The following CDH23 variants were observed in gnomAD, a reference collection of about 807,000 sequenced individuals.
CDH23 encodes cadherin-23.
Under a neutral mutation model 317.1 loss-of-function variants are expected in CDH23, and 189 were observed. The observed-to-expected ratio is 0.60, with a 90% CI of 0.53 to 0.67. The LOEUF (loss-of-function observed/expected upper bound fraction) is 0.67, where lower values mean the gene tolerates loss of function less well. CDH23 is among the 30% of genes least tolerant of loss of function. The pLI is 0.00. For synonymous variants in CDH23, 1,839 were observed against 1,876.8 expected, an observed-to-expected ratio of 0.98 and a Z score of 0.52; for missense variants, 4,401 against 4,592.4, an observed-to-expected ratio of 0.96 and a Z score of 1.20.
chr10:71,683,571 G>C (rs902828787), intron 18 of CDH23, among the ~76,000 whole-genome samples: 3 of 152,236 alleles, frequency 2.0e-5, no homozygotes, highest in Non-Finnish European at 1.5e-5. Flanking sequence ...ATAGGATGCA[G>C]CTGGAAGTGA....
intron 4 of CDH23, 85 bp from the exon 5 acceptor site, chr10:71,510,869 A>G (rs1589149801): frequency 7.5e-7 from 1 of 1,327,208 alleles, no homozygotes; most frequent in East Asian, 2.3e-5. Flanking sequence ...GCAATCCTGG[A>G]GCCCCTCCCG....
At chr10:71,516,151 C>G (rs1477614474) in intron 6 of CDH23, among the ~76,000 whole-genome samples, 2 of 152,226 alleles carry the variant, frequency 1.3e-5, no homozygotes, top group Non-Finnish European at 2.9e-5. Context: ...GTGTCCTTTG[C>G]AGGTCCCCAC....
At chr10:71,795,426 G>A (rs1042526634) in intron 48 of CDH23, 1 of 152,302 alleles carries the variant, frequency 6.6e-6, no homozygotes, top group South Asian at 2.1e-4. Flanking sequence ...ATGGAGAGCT[G>A]CTCCACGTCC....
chr10:71,498,079 C>T (rs1853073586), intron 3 of CDH23, among the ~76,000 whole-genome samples: 1 of 152,194 alleles, frequency 6.6e-6, no homozygotes, highest in South Asian at 2.1e-4. Flanking sequence ...CCTCGTGGAC[C>T]TCTGCACTTT....
intron 3 of CDH23, among the ~76,000 whole-genome samples, chr10:71,491,068 C>T (rs1564613207): frequency 6.6e-6 from 1 of 152,188 alleles, no homozygotes; most frequent in Non-Finnish European, 1.5e-5. Context: ...CCCCCACCAA[C>T]CTGGGTGCCA....
Position 71,751,758 on chromosome 10 carries a change from G to C in CDH23, c.4845+9837G>C, listed in dbSNP as rs1840009287. ...AGATGCCGCCCAGACTCAGAAGGCT[G>C]CCGCTGGGCCACATAGGACAGGGGG... On this transcript the variant is annotated intron_variant, in intron 38 of 69. Transcript: ENST00000224721. The surrounding 1 kb of genome is among the most constrained non-coding windows in gnomAD (Gnocchi z 4.9). The C allele has an allele frequency of 6.2e-7, 1 of 1,603,284 alleles. No homozygotes were observed. The highest frequency in any genetic ancestry group is 1.1e-5 in the South Asian group (1 of 90,126).
chr10:71,461,448 G>A (rs751418827), intron 3 of CDH23, among the ~76,000 whole-genome samples: 11 of 152,368 alleles, frequency 7.2e-5, no homozygotes, highest in African/African-American at 2.6e-4. Flanking sequence ...CTCCGGAAGA[G>A]GTGTCTGGAG....
At position 71,428,146 on chromosome 10, in the gene CDH23, T is replaced by C. The variant is rs1490514630; in HGVS notation, c.-5-11681T>C. 1.8e-3 allele frequency among the ~76,000 whole-genome samples: 278 copies of C among 150,892 alleles called. 2 individuals carry two copies. Among genetic ancestry groups the C allele is most frequent in the Middle Eastern group, 6.8e-3 (2 of 292 alleles). Reference sequence around the variant, plus strand: ...ACACTTGTTTCTTTCTTTCTTTTTTTTTTTTTTTTTTGAAACAGAGTCTCA... The same window carrying C: ...ACACTTGTTTCTTTCTTTCTTTTTTCTTTTTTTTTTTGAAACAGAGTCTCA... On this transcript the variant is annotated intron_variant, in intron 1 of 69. Coordinates refer to ENST00000224721, the MANE Select transcript of CDH23 (RefSeq NM_022124.6).
intron 6 of CDH23, among the ~76,000 whole-genome samples, chr10:71,521,368 C>T (rs999912283): frequency 5.3e-5 from 8 of 152,218 alleles, no homozygotes; most frequent in African/African-American, 1.7e-4. Flanking sequence ...CTGACCCCTT[C>T]CCATCCCTGC....
In CDH23 at chr10:71,665,469, C is replaced by T. The variant is rs550484453; in HGVS notation, c.1450-9643C>T. On this transcript the variant is annotated intron_variant, in intron 14 of 69. Coordinates refer to ENST00000224721, the MANE Select transcript of CDH23 (RefSeq NM_022124.6). Reference sequence around the variant, plus strand: ...TAGATCAGAGTGTGCCCACTGAGGTCGCAGGGAAGAGAAGGAGCAGCAACC... The same window carrying T: ...TAGATCAGAGTGTGCCCACTGAGGTTGCAGGGAAGAGAAGGAGCAGCAACC... Among the ~76,000 whole-genome samples the T allele has an allele frequency of 2.6e-5, 4 of 152,272 alleles. No individual in the cohort carries two copies. The East Asian group carries it at 5.8e-4, about 22-fold the overall frequency.
rs114013257 is a variant in CDH23, at chr10:71,798,022, G to A, written c.6830-332G>A. ...CTCAGATGGTTAAGGGCCCAGGCCG[G>A]TTACATAGAGGGGATACATACAGCT... On this transcript the variant is annotated intron_variant, in intron 49 of 69. Coordinates refer to ENST00000224721, the MANE Select transcript of CDH23 (RefSeq NM_022124.6). Among the ~76,000 whole-genome samples the A allele has an allele frequency of 7.5e-3, 1,140 of 152,320 alleles. 11 individuals carry two copies. Among genetic ancestry groups the A allele is most frequent in the African/African-American group, 0.026 (1,088 of 41,564 alleles).
At chr10:71,490,527 G>A (rs1047445126) in intron 3 of CDH23, among the ~76,000 whole-genome samples, 1 of 152,166 alleles carries the variant, frequency 6.6e-6, no homozygotes, top group African/African-American at 2.4e-5. Context: ...ATGGGAGATC[G>A]TCATATTACA....
Position 71,811,173 on chromosome 10 carries a change from C to T in CDH23, c.9078-142C>T. 5.9e-6 allele frequency: 7 copies of T among 1,193,656 alleles called. No homozygotes were observed. In the South Asian group the frequency reaches 8.2e-5, roughly 14 times the overall value. 73.9% of individuals were successfully genotyped at this position (1,193,656 alleles called of 1,614,324 possible). ...AAGGTTCGAGGAACCTTGTAAAACACAAAGCTGTCCCAGCCGGTGGACCTC... is the reference window on the plus strand; with the variant it reads ...AAGGTTCGAGGAACCTTGTAAAACATAAAGCTGTCCCAGCCGGTGGACCTC... On this transcript the variant is annotated intron_variant, in intron 62 of 69. Transcript: ENST00000224721.
At chr10:71,713,266 G>C (rs1400773548) in intron 28 of CDH23, 1 of 779,396 alleles carries the variant, frequency 1.3e-6, no homozygotes, top group Admixed American at 1.7e-5. Context: ...CCTTTGCCCA[G>C]GGAGCAGGCG....
rs116284617 is a variant in CDH23 at position 71,548,788 on chromosome 10, T to A, written c.430-17954T>A. Among the ~76,000 whole-genome samples the A allele has an allele frequency of 3.1e-3, 467 of 152,342 alleles. 8 individuals are homozygous for A. The highest frequency in any genetic ancestry group is 0.011 in the African/African-American group (447 of 41,582). On this transcript the variant is annotated intron_variant, in intron 6 of 69. Transcript: ENST00000224721. The stretch of plus-strand genomic sequence containing the variant: ...CTCCTTTATTAGACTGCAAAGCCTG[T>A]CCCCATGAAGAAGCCACTGGCTTTG...
At chr10:71,587,118 A>T (rs1647528555) in intron 9 of CDH23, among the ~76,000 whole-genome samples, 1 of 152,248 alleles carries the variant, frequency 6.6e-6, no homozygotes, top group African/African-American at 2.4e-5. Context: ...CAGATGAGGA[A>T]GCTAAGACGC....
intron 1 of CDH23, among the ~76,000 whole-genome samples, chr10:71,434,116 C>G (rs1317018464): frequency 1.3e-5 from 2 of 152,038 alleles, no homozygotes; most frequent in African/African-American, 2.4e-5. Flanking sequence ...ATGCTCTTGC[C>G]TCAGGGCCTT....
At position 71,729,232 on chromosome 10, in the gene CDH23, G is replaced by A. The variant is rs564599244; in HGVS notation, c.3580-1237G>A. ...TGGTAAGCGGTGAGGAAAATGGTGCGTAATTGCACAATTCAGAAACAGCCA... is the reference window on the plus strand; with the variant it reads ...TGGTAAGCGGTGAGGAAAATGGTGCATAATTGCACAATTCAGAAACAGCCA... On this transcript the variant is annotated intron_variant, in intron 30 of 69. Coordinates refer to ENST00000224721, the MANE Select transcript of CDH23 (RefSeq NM_022124.6). 5.3e-5 allele frequency among the ~76,000 whole-genome samples: 8 copies of A among 152,324 alleles called. No individual in the cohort carries two copies. In the East Asian group the frequency reaches 5.8e-4, roughly 11 times the overall value.
intron 38 of CDH23, among the ~76,000 whole-genome samples, chr10:71,768,243 T>C (rs1160808695): frequency 3.9e-5 from 6 of 152,158 alleles, no homozygotes; most frequent in Non-Finnish European, 5.9e-5. Context: ...CAATCTCAGC[T>C]CACTGCAACC....
Sources: gnomAD v4.1 joint callset for allele counts (sites outside exome capture counted in the v4.1 genomes callset) on GRCh38, gnomAD v4.1.1 for gene constraint, Gnocchi (gnomAD v3.1) non-coding constraint, MANE v1.5 for transcripts, NCBI Gene and HGNC (gene_info 2026-07-23, HGNC 2026-07-21) for gene names.